The following STRN variants were observed in gnomAD, a reference collection of about 807,000 sequenced individuals.
The protein encoded by STRN is protein phosphatase 2 regulatory subunit B'''alpha.
Under a neutral mutation model 96.3 loss-of-function variants are expected in STRN, and 53 were observed. That is an observed-to-expected ratio of 0.55 (90% CI 0.44 to 0.69). The LOEUF (loss-of-function observed/expected upper bound fraction) is 0.69. Ranked by LOEUF, STRN falls within the 30% of genes least tolerant of loss-of-function variation. The probability of loss-of-function intolerance (pLI) is 0.00; values close to 1 mark genes in which losing one functional copy is unlikely to be tolerated. For synonymous variants in STRN, 428 were observed against 355.9 expected, an observed-to-expected ratio of 1.20 and a Z score of -2.28; for missense variants, 987 against 963.9, an observed-to-expected ratio of 1.02 and a Z score of -0.32.
rs2717499 is a variant in STRN, at chr2:36,860,797, A to G, written c.1669+335T>C. On this transcript the variant is annotated intron_variant, in intron 13 of 17. Transcript: ENST00000263918. The stretch of plus-strand genomic sequence containing the variant: ...CCTTAAAAGTTGTTTGACAAGAATA[A>G]TGATGAAATATTATTACAGATTAGT... 0.95 allele frequency among the ~76,000 whole-genome samples: 144,438 copies of G among 152,236 alleles called. 68,992 individuals carry two copies. The highest frequency in any genetic ancestry group is 1 in the East Asian group (5,176 of 5,176).
At position 36,869,707 on chromosome 2, in the gene STRN, A is replaced by C. The variant is rs1668715148; in HGVS notation, c.1346T>G (p.Leu449Trp). Residue 449 changes from leucine (L) to tryptophan (W), a missense_variant, in exon 11 of 18, where the codon TTG (leucine) becomes TGG (tryptophan). Leu to Trp is a moderately conservative substitution (Grantham distance 61, BLOSUM62 -2). Transcript: ENST00000263918. ...AAACTTAGGGTTCCATGTCTTCCTCAATGCATCTTTATTGTTTGCTATCTA... is the reference window on the plus strand; with the variant it reads ...AAACTTAGGGTTCCATGTCTTCCTCCATGCATCTTTATTGTTTGCTATCTA... ...TYDIANNKDALRKTWNPKFTL... is the reference protein window; with the variant it reads ...TYDIANNKDAWRKTWNPKFTL... 6.2e-7 allele frequency: 1 copy of C among 1,605,848 alleles called. No homozygotes were observed. Among genetic ancestry groups the C allele is most frequent in the Non-Finnish European group, 8.5e-7 (1 of 1,176,856 alleles).
intron 1 of STRN, among the ~76,000 whole-genome samples, chr2:36,931,043 A>G (rs1174294104): frequency 6.6e-6 from 1 of 151,556 alleles, no homozygotes; most frequent in African/African-American, 2.4e-5. Flanking sequence ...AAAAAAAAAG[A>G]AAAAGAAAGA....
chr2:36,857,647 G>A (rs1358124043), intron 14 of STRN, among the ~76,000 whole-genome samples: 3 of 151,958 alleles, frequency 2.0e-5, no homozygotes, highest in African/African-American at 4.8e-5. Context: ...GCAACAGAGT[G>A]ATACTCCGTC....
chr2:36,947,522 C>G (rs1393524549), intron 1 of STRN, among the ~76,000 whole-genome samples: 1 of 149,458 alleles, frequency 6.7e-6, no homozygotes, highest in Non-Finnish European at 1.5e-5. Context: ...GAATATAACT[C>G]AATTTTTCTT....
intron 2 of STRN, among the ~76,000 whole-genome samples, chr2:36,923,783 G>A (rs1572677974): frequency 6.6e-6 from 1 of 151,646 alleles, no homozygotes; most frequent in African/African-American, 2.4e-5. Flanking sequence ...TAAAAACAAA[G>A]CAAAAAAGTA....
intron 1 of STRN, among the ~76,000 whole-genome samples, chr2:36,927,875 T>C (rs138496004): frequency 0.018 from 2,746 of 152,296 alleles, 84 homozygotes; most frequent in African/African-American, 0.062. Context: ...TAGAATGGTA[T>C]CCTTCAAATA....
At position 36,864,887 on chromosome 2, in the gene STRN, G is replaced by A. The variant is rs913593530; in HGVS notation, c.1547+2927C>T. Among the ~76,000 whole-genome samples the A allele has an allele frequency of 2.0e-5, 3 of 151,994 alleles. No individual in the cohort carries two copies. In the South Asian group the frequency reaches 6.2e-4, roughly 32 times the overall value. On this transcript the variant is annotated intron_variant, in intron 12 of 17. Coordinates refer to ENST00000263918, the MANE Select transcript of STRN (RefSeq NM_003162.4). ...GCCACCACGCCCAGCTAATTTTTTT[G>A]TATTTTTAGCAGAGATGGGGTTTCA...
intron 12 of STRN, 88 bp downstream of exon 12, chr2:36,867,726 T>C: frequency 3.6e-6 from 3 of 841,348 alleles, no homozygotes; most frequent in South Asian, 2.4e-5. Flanking sequence ...ATACAAAGAA[T>C]ACCTAGTAAG....
At chr2:36,902,184 AATAG>A (rs1429636182) in intron 5 of STRN, among the ~76,000 whole-genome samples, 2 of 152,228 alleles carry the variant, frequency 1.3e-5, no homozygotes, top group Non-Finnish European at 2.9e-5. Flanking sequence ...TTACAACATT[AATAG>A]ATAAACAAAA....
chr2:36,840,847 C>G lies in STRN; in HGVS notation c.*8609G>C, dbSNP rs1426409186. On this transcript the variant is annotated 3_prime_UTR_variant, in exon 18 of 18. Transcript: ENST00000263918. ...AAAAAAAATCTCATTACCTGCTCCT[C>G]ATGCCTCAAAAAAAATCCAGAAGAT... The G allele has an allele frequency of 6.6e-6, 1 of 152,148 alleles. No homozygotes were observed. The highest frequency in any genetic ancestry group is 1.5e-5 in the Non-Finnish European group (1 of 68,016). 9.4% of individuals were successfully genotyped at this position (152,148 alleles called of 1,614,324 possible). A position where few individuals can be genotyped will look rare whatever the true frequency, so the allele number is the denominator to read the frequency against.
chr2:36,922,246 T>A (rs1211888209), intron 2 of STRN, among the ~76,000 whole-genome samples: 1 of 152,134 alleles, frequency 6.6e-6, no homozygotes, highest in African/African-American at 2.4e-5. Flanking sequence ...TGGCTGGGCA[T>A]GGTGACTCAC....
chr2:36,853,079 C>T (rs1668260070), intron 15 of STRN, among the ~76,000 whole-genome samples: 1 of 152,218 alleles, frequency 6.6e-6, no homozygotes, highest in African/African-American at 2.4e-5. Context: ...ATCGCTTGAG[C>T]CCAGGAGGTG....
chr2:36,899,674 T>C lies in STRN; in HGVS notation c.660-16A>G. The C allele has an allele frequency of 2.5e-6, 4 of 1,582,408 alleles. No homozygotes were observed. Among genetic ancestry groups the C allele is most frequent in the Non-Finnish European group, 3.4e-6 (4 of 1,163,914 alleles). On this transcript the variant is annotated splice_polypyrimidine_tract_variant and intron_variant, in intron 5 of 17. Coordinates refer to ENST00000263918, the MANE Select transcript of STRN (RefSeq NM_003162.4). ...CTCAGATTTTCTGGTGTAAAACATG[T>C]ATATCCTGCTTAGTTAATCTTTTTA...
chr2:36,961,271 G>T (rs183888121), intron 1 of STRN, among the ~76,000 whole-genome samples: 1 of 150,140 alleles, frequency 6.7e-6, no homozygotes. Context: ...GGACTAACCC[G>T]GCTAATTAAA....
chr2:36,930,197 C>T (rs577267106), intron 1 of STRN, among the ~76,000 whole-genome samples: 12 of 152,132 alleles, frequency 7.9e-5, no homozygotes, highest in East Asian at 3.9e-4. Flanking sequence ...TTTGGGAGAC[C>T]GAGGCAGGTG....
At chr2:36,964,867 T>C (rs548773176) in intron 1 of STRN, among the ~76,000 whole-genome samples, 12 of 152,316 alleles carry the variant, frequency 7.9e-5, no homozygotes, top group African/African-American at 2.9e-4. Flanking sequence ...TTGGTCGGTT[T>C]TCTTTCAACA....
Position 36,844,524 on chromosome 2 carries a change from G to A in STRN, c.*4932C>T, listed in dbSNP as rs1668019370. The A allele has an allele frequency of 6.6e-6, 1 of 152,116 alleles. No individual in the cohort carries two copies. Among genetic ancestry groups the A allele is most frequent in the African/African-American group, 2.4e-5 (1 of 41,414 alleles). 9.4% of individuals were successfully genotyped at this position (152,116 alleles called of 1,614,324 possible). ...AAAATGATTTTGAAAATTTGCATCA[G>A]AGAGATGACAAGCATGTGGTCCTGG... On this transcript the variant is annotated 3_prime_UTR_variant, in exon 18 of 18. Transcript: ENST00000263918.
chr2:36,924,659 A>C (rs1418621922), intron 2 of STRN, among the ~76,000 whole-genome samples: 2 of 152,232 alleles, frequency 1.3e-5, no homozygotes, highest in Non-Finnish European at 2.9e-5. Flanking sequence ...AACATATTAC[A>C]ACCATTCATA....
chr2:36,909,020 G>A (rs1362978987), intron 3 of STRN, among the ~76,000 whole-genome samples: 10 of 150,672 alleles, frequency 6.6e-5, no homozygotes, highest in African/African-American at 2.5e-4. Flanking sequence ...GCTGGGCAAG[G>A]TGGCGCATGC....
Sources: allele counts gnomAD v4.1 joint callset (sites outside exome capture counted in the v4.1 genomes callset), GRCh38; gene constraint gnomAD v4.1.1; transcripts MANE v1.5; gene names NCBI Gene and HGNC (gene_info 2026-07-23, HGNC 2026-07-21).